The following NRP1 variants were observed in gnomAD, a reference collection of about 807,000 sequenced individuals.
NRP1 encodes neuropilin-1.
A neutral mutation model predicts 106.7 loss-of-function variants in NRP1; 35 were observed. The ratio of observed to expected loss-of-function variants is 0.33; its 90% CI spans 0.25 to 0.43. NRP1 has a LOEUF of 0.43. Among genes scored for constraint, NRP1 ranks in the 20% least tolerant of loss-of-function variants. NRP1 has a pLI of 1.00. For missense variants in NRP1, 1,024 were observed against 1,170.4 expected (o/e 0.87, Z 1.83); for synonymous variants, 437 against 417.9 (o/e 1.05, Z -0.56).
intron 2 of NRP1, among the ~76,000 whole-genome samples, chr10:33,300,083 C>T (rs1164585018): frequency 2.6e-5 from 4 of 152,218 alleles, no homozygotes; most frequent in Admixed American, 1.3e-4. Flanking sequence ...TCTTCACAGT[C>T]CCCTGTATTC....
At chr10:33,316,174 G>A (rs112847182) in intron 2 of NRP1, among the ~76,000 whole-genome samples, 2 of 152,282 alleles carry the variant, frequency 1.3e-5, no homozygotes, top group East Asian at 3.9e-4. Flanking sequence ...TGATGCAATC[G>A]CTCCAGGGAT....
intron 3 of NRP1, 53 bp downstream of exon 3, chr10:33,270,622 C>T (rs1487735434): frequency 6.6e-5 from 97 of 1,479,404 alleles, no homozygotes; most frequent in Non-Finnish European, 8.2e-5. Flanking sequence ...CCACCACACT[C>T]GGCCTAAATG....
At chr10:33,190,412 T>C (rs1836323164) in intron 13 of NRP1, among the ~76,000 whole-genome samples, 1 of 152,222 alleles carries the variant, frequency 6.6e-6, no homozygotes. Context: ...TGTCTTAAGA[T>C]TCAATTGAAA....
chr10:33,226,226 T>C lies in NRP1; in HGVS notation c.1045A>G (p.Thr349Ala). The change falls in exon 7 of 17, where the codon ACC (threonine) becomes GCC (alanine). Residue 349 changes from threonine to alanine, a missense_variant. Physicochemically the swap from Thr to Ala is moderately conservative, Grantham distance 58. Coordinates refer to ENST00000374867, the MANE Select transcript of NRP1 (RefSeq NM_003873.7). Reference sequence around the variant, plus strand: ...GTCTTGACATAATATTTCTTCTTGGTTTCTTTTGAAATGGCGCCCTGTGTC... The same window carrying C: ...GTCTTGACATAATATTTCTTCTTGGCTTCTTTTGAAATGGCGCCCTGTGTC... ...VGTQGAISKE[T>A]KKKYYVKTYK... is the part of the protein sequence containing the mutation. 1.2e-6 allele frequency: 2 copies of C among 1,614,180 alleles called. No individual in the cohort carries two copies. The highest frequency in any genetic ancestry group is 1.7e-6 in the Non-Finnish European group (2 of 1,180,034).
rs1387418828 is a variant in NRP1, at chr10:33,234,989, G to T, written c.982-8700C>A. Reference sequence around the variant, plus strand: ...AAGAAAATGAGTAAGAAAAATGAAGGCCCCACACAAGGGCTGACCTCCGTC... The same window carrying T: ...AAGAAAATGAGTAAGAAAAATGAAGTCCCCACACAAGGGCTGACCTCCGTC... On this transcript the variant is annotated intron_variant, in intron 6 of 16. Coordinates refer to ENST00000374867, the MANE Select transcript of NRP1 (RefSeq NM_003873.7). 2.0e-5 allele frequency among the ~76,000 whole-genome samples: 3 copies of T among 152,214 alleles called. No homozygotes were observed. The South Asian group carries it at 6.2e-4, about 32-fold the overall frequency.
At position 33,303,335 on chromosome 10, in the gene NRP1, G is replaced by A. The variant is rs554944682; in HGVS notation, c.248+27373C>T. Among the ~76,000 whole-genome samples the A allele has an allele frequency of 9.9e-5, 15 of 152,224 alleles. No homozygotes were observed. The South Asian group carries it at 2.3e-3, about 23-fold the overall frequency. On this transcript the variant is annotated intron_variant, in intron 2 of 16. Coordinates refer to ENST00000374867, the MANE Select transcript of NRP1 (RefSeq NM_003873.7). ...AGAAAGGATGCTTTGAATTCTTATCGTAGATTTCTCTGCACCACTCAGAGG... is the reference window on the plus strand; with the variant it reads ...AGAAAGGATGCTTTGAATTCTTATCATAGATTTCTCTGCACCACTCAGAGG...
chr10:33,252,149 G>A (rs1309221377), intron 6 of NRP1, among the ~76,000 whole-genome samples: 1 of 152,108 alleles, frequency 6.6e-6, no homozygotes, highest in East Asian at 1.9e-4. Context: ...AGAGCCCACC[G>A]GTAGAAGAGC....
rs1396672710 is a variant in NRP1 at position 33,263,510 on chromosome 10, T to C, written c.658+136A>G. 12 of 623,202 alleles carry C rather than the reference T, an allele frequency of 1.9e-5. No individual in the cohort carries two copies. In the East Asian group the frequency reaches 3.0e-4, roughly 16 times the overall value. The allele number at this position is 623,202 out of a possible 1,614,324, so 38.6% of individuals were successfully genotyped here. A position where few individuals can be genotyped will look rare whatever the true frequency, so the allele number is the denominator to read the frequency against. On this transcript the variant is annotated intron_variant, in intron 4 of 16. Transcript: ENST00000374867. ...AAATATTTCATCACTGCTCTGAATATAGAGAGTTTTGCTTTGTTTTCCAGT... is the reference window on the plus strand; with the variant it reads ...AAATATTTCATCACTGCTCTGAATACAGAGAGTTTTGCTTTGTTTTCCAGT...
intron 2 of NRP1, among the ~76,000 whole-genome samples, chr10:33,293,585 C>T (rs573579846): frequency 6.6e-5 from 10 of 152,316 alleles, no homozygotes; most frequent in South Asian, 6.2e-4. Context: ...CACGACCAAC[C>T]GTCCACAGCA....
chr10:33,229,207 A>G (rs1839912272), intron 6 of NRP1, among the ~76,000 whole-genome samples: 1 of 152,216 alleles, frequency 6.6e-6, no homozygotes. Flanking sequence ...GATTTTCTGT[A>G]TCTATGTTAT....
At chr10:33,285,442 C>T (rs945815872) in intron 2 of NRP1, among the ~76,000 whole-genome samples, 2 of 152,206 alleles carry the variant, frequency 1.3e-5, no homozygotes, top group East Asian at 3.8e-4. Flanking sequence ...CAAATCATGA[C>T]ATCTCATTTT....
chr10:33,182,709 A>C lies in NRP1; in HGVS notation c.2471T>G (p.Ile824Ser). ...CAAGACAAATTTACCTGTTTCATCA[A>C]TTTTAATTTCTGGGTTCTTTTTATC... ...DLDKKNPEIK[I>S]DETGSTPGYE... The change falls in exon 16 of 17, where the codon ATT (isoleucine) becomes AGT (serine). Residue 824 changes from isoleucine (I) to serine (S), a missense_variant. Around this residue, in one of 5 missense-constraint regions of NRP1, gnomAD observed 164 missense variants for 161.4 expected, o/e 1.02. Transcript: ENST00000374867. The C allele has an allele frequency of 3.7e-6, 6 of 1,612,752 alleles. No individual in the cohort carries two copies. Among genetic ancestry groups the C allele is most frequent in the Non-Finnish European group, 5.1e-6 (6 of 1,179,424 alleles).
At chr10:33,213,311 T>G in intron 9 of NRP1, 75 bp downstream of exon 9, 1 of 1,614,144 alleles carries the variant, frequency 6.2e-7, no homozygotes, top group Non-Finnish European at 8.5e-7. Flanking sequence ...AAGCCCTTCC[T>G]CGGGAGAATG....
intron 2 of NRP1, among the ~76,000 whole-genome samples, chr10:33,280,912 G>A (rs1307348977): frequency 6.6e-6 from 1 of 151,498 alleles, no homozygotes; most frequent in African/African-American, 2.4e-5. Context: ...AACCTGGGAG[G>A]TTGAACCGAG....
At chr10:33,329,663 G>A (rs1257151372) in intron 2 of NRP1, among the ~76,000 whole-genome samples, 1 of 152,142 alleles carries the variant, frequency 6.6e-6, no homozygotes, top group Non-Finnish European at 1.5e-5. Context: ...CTTTAGAATT[G>A]AGATTTAAAT....
At chr10:33,317,921 C>T (rs904414342) in intron 2 of NRP1, among the ~76,000 whole-genome samples, 1 of 152,164 alleles carries the variant, frequency 6.6e-6, no homozygotes, top group Non-Finnish European at 1.5e-5. Context: ...TGCCTTGGTG[C>T]TTTTGAAATA....
At chr10:33,246,984 G>T (rs918618103) in intron 6 of NRP1, among the ~76,000 whole-genome samples, 5 of 152,102 alleles carry the variant, frequency 3.3e-5, no homozygotes, top group Non-Finnish European at 7.4e-5. Context: ...TTTCACAGGC[G>T]ATACCTCTTC....
intron 6 of NRP1, among the ~76,000 whole-genome samples, chr10:33,250,185 C>T (rs1296746003): frequency 6.6e-6 from 1 of 152,046 alleles, no homozygotes; most frequent in Non-Finnish European, 1.5e-5. Context: ...TGCCTCTTGC[C>T]CTCAGTATAA....
chr10:33,237,524 A>C (rs11593193), intron 6 of NRP1, among the ~76,000 whole-genome samples: 1,870 of 138,264 alleles, frequency 0.014, 35 homozygotes, highest in Non-Finnish European at 0.017. Context: ...CACAAATCCC[A>C]CCCAATTGCT....
Sources: gnomAD v4.1 joint callset for allele counts (sites outside exome capture counted in the v4.1 genomes callset) on GRCh38, gnomAD v4.1.1 for gene constraint, gnomAD v4.1.1 regional missense constraint, MANE v1.5 for transcripts, NCBI Gene and HGNC (gene_info 2026-07-23, HGNC 2026-07-21) for gene names.